The following PSG9 variants were observed in gnomAD, a reference collection of about 807,000 sequenced individuals.
The protein encoded by PSG9 is pregnancy specific beta-1-glycoprotein 9.
PSG9 carries 49 observed loss-of-function variants against 41.9 expected under a neutral mutation model. The observed-to-expected ratio is 1.17, with a 90% confidence interval of 0.93 to 1.48. The LOEUF (loss-of-function observed/expected upper bound fraction) is 1.48, where lower values mean the gene tolerates loss of function less well. Among genes scored for constraint, PSG9 ranks in the 40% most tolerant of loss-of-function variants. The pLI is 0.00. For missense variants in PSG9, 641 were observed against 520.3 expected, an observed-to-expected ratio of 1.23 and a Z score of -2.26; for synonymous variants, 263 against 196.8, an observed-to-expected ratio of 1.34 and a Z score of -2.82.
At chr19:43,259,940 G>A (rs890304228) in intron 3 of PSG9, 5 of 147,244 alleles carry the variant, frequency 3.4e-5, no homozygotes, top group African/African-American at 1.0e-4. Context: ...AGAAATACAT[G>A]TGGACATTTG....
rs749827661 is a variant in PSG9 at position 43,262,011 on chromosome 19, G to C, written c.558C>G (p.Ser186Arg). ...ASYLWWMNGQ[S>R]LPVTHRLQLS... Reference sequence around the variant, plus strand: ...GCTGCAACCTGTGAGTCACAGGGAGGCTCTGACCATTCATCCACCATAGGT... The same window carrying C: ...GCTGCAACCTGTGAGTCACAGGGAGCCTCTGACCATTCATCCACCATAGGT... The change falls in exon 3 of 6, where the codon AGC becomes AGG. Residue 186 changes from serine (S) to arginine (R), a missense_variant. Transcript: ENST00000270077. 4 of 1,613,894 alleles carry C rather than the reference G, an allele frequency of 2.5e-6. No homozygotes were observed. Among genetic ancestry groups the C allele is most frequent in the Non-Finnish European group, 3.4e-6 (4 of 1,179,922 alleles).
At position 43,267,897 on chromosome 19, in the gene PSG9, G is replaced by C. The variant is rs148106200; in HGVS notation, c.317C>G (p.Ser106Cys). Residue 106 changes from serine to cysteine, a missense_variant, in exon 2 of 6, where the codon TCC becomes TGC. Coordinates refer to ENST00000270077, the MANE Select transcript of PSG9 (RefSeq NM_002784.5). Reference protein sequence around the residue: ...SGRETVYSNASLLIQNVTRKD... With the variant: ...SGRETVYSNACLLIQNVTRKD... ...CCGGGTGACATTCTGGATCAGCAGG[G>C]ATGCGTTGGAATATACTGTTTCTCT... is the stretch of plus-strand genomic sequence containing the variant. 1.0e-3 allele frequency: 1,650 copies of C among 1,613,780 alleles called. 7 individuals are homozygous for C. The highest frequency in any genetic ancestry group is 1.2e-3 in the Non-Finnish European group (1,423 of 1,179,770).
rs180807419 is a variant in PSG9, at chr19:43,258,607, G to T, written c.989-151C>A. On this transcript the variant is annotated intron_variant, in intron 4 of 5. Transcript: ENST00000270077. ...TATGTTCACTGAGCTGAAGCCTGAG[G>T]TATTCACCTGTTTCTCCCATCACAA... 11 of 1,394,956 alleles carry T rather than the reference G, an allele frequency of 7.9e-6. 3 individuals are homozygous for T. The East Asian group carries it at 3.1e-4, about 39-fold the overall frequency. 86.4% of individuals were successfully genotyped at this position (1,394,956 alleles called of 1,614,324 possible).
At chr19:43,254,276 T>C (rs1477586545) in intron 5 of PSG9, among the ~76,000 whole-genome samples, 1 of 146,378 alleles carries the variant, frequency 6.8e-6, no homozygotes, top group Non-Finnish European at 1.5e-5. Context: ...GTAAAAACTT[T>C]CCTGGTGTCA....
chr19:43,267,307 A>G (rs1321311865), intron 2 of PSG9, among the ~76,000 whole-genome samples: 4 of 152,146 alleles, frequency 2.6e-5, no homozygotes, highest in African/African-American at 9.7e-5. Flanking sequence ...TCTTGGTCCC[A>G]GTAAGGCCTG....
In PSG9 at chr19:43,259,144, A is replaced by G. The variant is rs748080574; in HGVS notation, c.710-9T>C. On this transcript the variant is annotated splice_polypyrimidine_tract_variant and intron_variant, in intron 3 of 5. Transcript: ENST00000270077. ...GGGGATGGGCAGCTTCGCTGTGTGGATAACAGAGAGAAGATTGTCCTGTGT... is the reference window on the plus strand; with the variant it reads ...GGGGATGGGCAGCTTCGCTGTGTGGGTAACAGAGAGAAGATTGTCCTGTGT... 7 of 1,589,020 alleles carry G rather than the reference A, an allele frequency of 4.4e-6. 2 individuals are homozygous for G. In the East Asian group the frequency reaches 1.1e-4, roughly 24 times the overall value.
intron 2 of PSG9, among the ~76,000 whole-genome samples, chr19:43,264,681 T>A (rs1289940483): frequency 1.3e-5 from 2 of 152,112 alleles, no homozygotes; most frequent in East Asian, 3.9e-4. Context: ...ATTGTCTCCA[T>A]CTCCTGACCT....
At chr19:43,254,861 G>C (rs1968387383) in intron 5 of PSG9, among the ~76,000 whole-genome samples, 1 of 145,860 alleles carries the variant, frequency 6.9e-6, no homozygotes, top group Non-Finnish European at 1.5e-5. Context: ...GGTCACAGCA[G>C]AAGGATTTCT....
In PSG9 at chr19:43,265,039, C is replaced by G. The variant is rs186809735; in HGVS notation, c.430+2745G>C. Among the ~76,000 whole-genome samples the G allele has an allele frequency of 1.7e-4, 26 of 152,278 alleles. No homozygotes were observed. The East Asian group carries it at 5.0e-3, about 29-fold the overall frequency. ...AGTGACAGGAAACTAGCATGGCTGA[C>G]TCCATCTGGCATCTAGTCTCAGGCT... On this transcript the variant is annotated intron_variant, in intron 2 of 5. Transcript: ENST00000270077.
At position 43,257,848 on chromosome 19, in the gene PSG9, G is replaced by GA. The variant is rs199874744; in HGVS notation, c.1243+353dup. The GA allele has an allele frequency of 2.4e-3, 3,302 of 1,373,718 alleles. 495 individuals carry two copies. In the African/African-American group the frequency reaches 0.046, roughly 19 times the overall value. The allele number at this position is 1,373,718 out of a possible 1,614,324, so 85.1% of individuals were successfully genotyped here. A position where few individuals can be genotyped will look rare whatever the true frequency, so the allele number is the denominator to read the frequency against. On this transcript the variant is annotated intron_variant, in intron 5 of 5. Coordinates refer to ENST00000270077, the MANE Select transcript of PSG9 (RefSeq NM_002784.5). ...CTTGTAGCTCATGGAATAGGTACAA[G>GA]AAAAAAAAGACGTGGCAGAAGGGGA...
rs1968525639 is a variant in PSG9, at chr19:43,258,199, T to G, written c.1243+3A>C. On this transcript the variant is annotated splice_donor_region_variant and intron_variant, in intron 5 of 5. Transcript: ENST00000270077. ...ACTGCCAAGGATGCTGGGATCCACT[T>G]ACCAGAGACTTTGACTGTCATGGAT... 6.3e-7 allele frequency: 1 copy of G among 1,592,680 alleles called. No individual in the cohort carries two copies. Among genetic ancestry groups the G allele is most frequent in the East Asian group, 2.7e-5 (1 of 37,542 alleles).
At chr19:43,262,710 G>T (rs1421617198) in intron 2 of PSG9, among the ~76,000 whole-genome samples, 11 of 152,160 alleles carry the variant, frequency 7.2e-5, no homozygotes. Flanking sequence ...ATCAGGCAGT[G>T]GAGCCACAAG....
intron 3 of PSG9, chr19:43,260,309 G>A (rs1242968545): frequency 6.8e-6 from 1 of 146,672 alleles, no homozygotes; most frequent in Non-Finnish European, 1.5e-5. Context: ...TTATGCATAA[G>A]TCTTAGGACA....
At chr19:43,268,432 A>G (rs376574913) in intron 1 of PSG9, among the ~76,000 whole-genome samples, 102 of 151,174 alleles carry the variant, frequency 6.7e-4, no homozygotes, top group South Asian at 2.1e-3. Flanking sequence ...CCAGGGGTCC[A>G]CACGGCCCCC....
intron 1 of PSG9, 116 bp downstream of exon 1, chr19:43,269,252 C>A (rs749925134): frequency 2.2e-5 from 34 of 1,549,226 alleles, no homozygotes; most frequent in Admixed American, 7.0e-5. Flanking sequence ...GATCCACCCA[C>A]CTCAGCCTCC....
At position 43,262,291 on chromosome 19, in the gene PSG9, C is replaced by T. The variant is rs1599831380; in HGVS notation, c.431-153G>A. 2.0e-5 allele frequency among the ~76,000 whole-genome samples: 3 copies of T among 152,224 alleles called. 1 individual carries two copies. The South Asian group carries it at 6.2e-4, about 32-fold the overall frequency. ...TGTGTGTTACAAGACAGATGCATGG[C>T]AATCTGAGAGCTCAGAGATTGTGAG... On this transcript the variant is annotated intron_variant, in intron 2 of 5. Transcript: ENST00000270077.
chr19:43,261,648 A>C (rs3859479), intron 3 of PSG9, among the ~76,000 whole-genome samples: 1 of 151,922 alleles, frequency 6.6e-6, no homozygotes, highest in African/African-American at 2.4e-5. Context: ...CTGTGGACCC[A>C]GAGTCTCCCA....
intron 2 of PSG9, 24 bp from the exon 3 acceptor site, chr19:43,262,162 T>C (rs774947704): frequency 1.9e-6 from 3 of 1,601,622 alleles, no homozygotes; most frequent in Non-Finnish European, 2.6e-6. Context: ...AGAGAGAAGA[T>C]TGCCCTGTGT....
intron 2 of PSG9, among the ~76,000 whole-genome samples, chr19:43,266,663 C>G (rs972303889): frequency 6.6e-6 from 1 of 152,030 alleles, no homozygotes; most frequent in African/African-American, 2.4e-5. Flanking sequence ...AATCAGCTGA[C>G]CATTTGCTCT....
Sources: allele counts gnomAD v4.1 joint callset (sites outside exome capture counted in the v4.1 genomes callset), GRCh38; gene constraint gnomAD v4.1.1; transcripts MANE v1.5; gene names NCBI Gene and HGNC (gene_info 2026-07-23, HGNC 2026-07-21).